Variants in MMUT observed in about 807,000 individuals in gnomAD.
MMUT encodes the protein methylmalonyl-CoA mutase, mitochondrial.
In MMUT, 79 loss-of-function variants were observed where a neutral mutation model predicts 79.9. The observed-to-expected ratio is 0.99, with a 90% CI of 0.82 to 1.19. The LOEUF (loss-of-function observed/expected upper bound fraction) is 1.19, where lower values mean the gene tolerates loss of function less well. Ranked by LOEUF, MMUT falls within the 50% of genes most tolerant of loss-of-function variation. MMUT has a pLI of 0.00. For synonymous variants in MMUT, 273 were observed against 295.7 expected (o/e 0.92, Z 0.79); for missense variants, 860 against 917.2 (o/e 0.94, Z 0.81).
At chr6:49,439,722 A>G (rs1037190614) in intron 11 of MMUT, among the ~76,000 whole-genome samples, 1 of 152,196 alleles carries the variant, frequency 6.6e-6, no homozygotes, top group African/African-American at 2.4e-5. Context: ...TAGAAGGAAT[A>G]TCTCAACAGG....
intron 2 of MMUT, 133 bp from the exon 3 acceptor site, chr6:49,458,191 A>G (rs1012952950): frequency 9.9e-6 from 9 of 912,486 alleles, no homozygotes; most frequent in Non-Finnish European, 1.5e-5. Context: ...TTTTATGCTC[A>G]TACATGTCAA....
intron 4 of MMUT, 56 bp downstream of exon 4, chr6:49,456,024 A>G: frequency 7.2e-7 from 1 of 1,380,792 alleles, no homozygotes. Context: ...TCAATATATA[A>G]AATGGTCCTA....
At chr6:49,453,317 T>A (rs1035417170) in intron 5 of MMUT, among the ~76,000 whole-genome samples, 8 of 152,086 alleles carry the variant, frequency 5.3e-5, no homozygotes, top group African/African-American at 1.7e-4. Context: ...CAGCCTTGTT[T>A]ACTTTTACAA....
chr6:49,436,101 C>T (rs1767117687), intron 11 of MMUT, among the ~76,000 whole-genome samples: 1 of 152,104 alleles, frequency 6.6e-6, no homozygotes, highest in Non-Finnish European at 1.5e-5. Context: ...GTCAGAATGG[C>T]TATTATTAAA....
In MMUT at chr6:49,431,625, T is replaced by C. The variant is rs886061558; in HGVS notation, c.*103A>G. On this transcript the variant is annotated 3_prime_UTR_variant, in exon 13 of 13. Transcript: ENST00000274813. ...TTTAAAGTAAAGCTTTCAAGGAAAG[T>C]ACAAATCAGGTATTGAAATTAAATT... is the stretch of plus-strand genomic sequence containing the variant. 8 of 1,265,608 alleles carry C rather than the reference T, an allele frequency of 6.3e-6. No homozygotes were observed. The highest frequency in any genetic ancestry group is 9.1e-6 in the Non-Finnish European group (8 of 879,764). The allele number at this position is 1,265,608 out of a possible 1,614,324, so 78.4% of individuals were successfully genotyped here. A position where few individuals can be genotyped will look rare whatever the true frequency, so the allele number is the denominator to read the frequency against.
In MMUT at chr6:49,431,531, T is replaced by C; in HGVS notation, c.*197A>G. The C allele has an allele frequency of 2.0e-6, 1 of 493,706 alleles. No homozygotes were observed. 30.6% of individuals were successfully genotyped at this position (493,706 alleles called of 1,614,324 possible). On this transcript the variant is annotated 3_prime_UTR_variant, in exon 13 of 13. Coordinates refer to ENST00000274813, the MANE Select transcript of MMUT (RefSeq NM_000255.4). ...AGTATAGAGAGTTTTTAGGGATTTT[T>C]TTTTTATTTTTGAAGTGAAACTGTA... is the stretch of plus-strand genomic sequence containing the variant.
chr6:49,452,257 A>G (rs556014809), intron 5 of MMUT, among the ~76,000 whole-genome samples: 8 of 152,334 alleles, frequency 5.3e-5, no homozygotes, highest in African/African-American at 1.7e-4. Context: ...AGGTTAAAAT[A>G]AAAATGATTA....
At chr6:49,445,721 C>G (rs1263320004) in intron 8 of MMUT, among the ~76,000 whole-genome samples, 1 of 151,942 alleles carries the variant, frequency 6.6e-6, no homozygotes, top group Non-Finnish European at 1.5e-5. Context: ...TGTACATATT[C>G]AGTACAGACA....
At chr6:49,462,175 G>A (rs926447738) in intron 1 of MMUT, among the ~76,000 whole-genome samples, 18 of 152,178 alleles carry the variant, frequency 1.2e-4, no homozygotes, top group African/African-American at 4.1e-4. Context: ...AGACCATCAA[G>A]AGAGGCCTCA....
intron 6 of MMUT, among the ~76,000 whole-genome samples, chr6:49,450,788 G>T (rs1767532474): frequency 6.6e-6 from 1 of 152,060 alleles, no homozygotes. Flanking sequence ...GATAGACATG[G>T]GATTCAAGAT....
chr6:49,461,264 T>A (rs948130384), intron 1 of MMUT, among the ~76,000 whole-genome samples: 1 of 152,164 alleles, frequency 6.6e-6, no homozygotes, highest in African/African-American at 2.4e-5. Context: ...ATATATTCTG[T>A]TTGTGGAAAT....
chr6:49,440,544 ATAGT>A (rs1767248158), intron 10 of MMUT, among the ~76,000 whole-genome samples, 191 bp from the exon 11 acceptor site: 1 of 152,030 alleles, frequency 6.6e-6, no homozygotes, highest in Non-Finnish European at 1.5e-5. Context: ...GGCTTGTTAC[ATAGT>A]TAAACACGTG....
chr6:49,454,698 T>G (rs1035082815), intron 4 of MMUT, among the ~76,000 whole-genome samples: 9 of 152,224 alleles, frequency 5.9e-5, no homozygotes, highest in South Asian at 2.1e-4. Flanking sequence ...TCCAAAGAAT[T>G]TATTTCTTTA....
intron 8 of MMUT, among the ~76,000 whole-genome samples, chr6:49,446,783 T>A (rs1767419765): frequency 6.6e-6 from 1 of 151,810 alleles, no homozygotes; most frequent in Non-Finnish European, 1.5e-5. Context: ...TCCTTCAGGC[T>A]ATGAAGATAT....
At position 49,447,704 on chromosome 6, in the gene MMUT, G is replaced by A. The variant is rs1040912881; in HGVS notation, c.1526C>T (p.Ser509Leu). ...AVEVLAIDNT[S>L]VRNRQIEKLK... ...TTTTTCAATCTGCCTGTTTCGCACTGAAGTATTATCAATTGCCAGAACTTC... is the reference window on the plus strand; with the variant it reads ...TTTTTCAATCTGCCTGTTTCGCACTAAAGTATTATCAATTGCCAGAACTTC... Residue 509 changes from serine (S) to leucine (L), a missense_variant, in exon 8 of 13, where the codon TCA becomes TTA. Transcript: ENST00000274813. 1 of 1,608,646 alleles carries A rather than the reference G, an allele frequency of 6.2e-7. No homozygotes were observed. Among genetic ancestry groups the A allele is most frequent in the Non-Finnish European group, 8.5e-7 (1 of 1,177,066 alleles).
At chr6:49,441,608 A>C (rs1378392786) in intron 10 of MMUT, among the ~76,000 whole-genome samples, 1 of 149,284 alleles carries the variant, frequency 6.7e-6, no homozygotes, top group Non-Finnish European at 1.5e-5. Context: ...ATAGATATAT[A>C]ATATGTATCA....
intron 3 of MMUT, 65 bp from the exon 4 acceptor site, chr6:49,456,302 C>T: frequency 9.1e-7 from 1 of 1,098,844 alleles, no homozygotes. Context: ...ATTAAATCCA[C>T]TTTCTAAGCA....
intron 12 of MMUT, among the ~76,000 whole-genome samples, chr6:49,434,329 G>A (rs2127412990): frequency 6.6e-6 from 1 of 152,188 alleles, no homozygotes; most frequent in Admixed American, 6.5e-5. Context: ...TAAATATGTA[G>A]TTTGTTCAGT....
intron 11 of MMUT, 54 bp downstream of exon 11, chr6:49,440,152 A>G (rs1353880810): frequency 1.3e-6 from 2 of 1,599,774 alleles, no homozygotes; most frequent in Non-Finnish European, 1.7e-6. Context: ...TACATTTTCT[A>G]AATGTAAGTG....
Sources: allele counts gnomAD v4.1 joint callset (sites outside exome capture counted in the v4.1 genomes callset), GRCh38; gene constraint gnomAD v4.1.1; transcripts MANE v1.5; gene names NCBI Gene and HGNC (gene_info 2026-07-23, HGNC 2026-07-21).